PPP6R2: variants seen among roughly 807,000 people sequenced by gnomAD.
PPP6R2 encodes serine/threonine-protein phosphatase 6 regulatory subunit 2.
PPP6R2 carries 62 observed loss-of-function variants against 100.2 expected under a neutral mutation model. That is an observed-to-expected ratio of 0.62 (90% CI 0.50 to 0.76). The LOEUF is 0.76. PPP6R2 is among the 30% of genes least tolerant of loss of function. The pLI, the probability that PPP6R2 is intolerant of heterozygous loss-of-function variation, is 0.00. For missense variants in PPP6R2, 1,142 were observed against 1,276.3 expected (o/e 0.89, Z 1.60); for synonymous variants, 525 against 514.7 (o/e 1.02, Z -0.27).
chr22:50,390,766 C>T (rs942106083), intron 2 of PPP6R2, among the ~76,000 whole-genome samples: 13 of 152,076 alleles, frequency 8.5e-5, no homozygotes, highest in Non-Finnish European at 8.8e-5. Flanking sequence ...TTTGGGAGGC[C>T]GAGGCGGACA....
chr22:50,439,950 C>T lies in PPP6R2; in HGVS notation c.2286-11C>T, dbSNP rs749128858. On this transcript the variant is annotated splice_polypyrimidine_tract_variant and intron_variant, in intron 20 of 23. Transcript: ENST00000612753. ...CCCCAGGACTGATCCTGTCCTCGTC[C>T]TTGTATGCAGCTCCGAGTCAGGGCC... 5 of 1,613,132 alleles carry T rather than the reference C, an allele frequency of 3.1e-6. No individual in the cohort carries two copies. Among genetic ancestry groups the T allele is most frequent in the African/African-American group, 2.7e-5 (2 of 75,058 alleles).
At chr22:50,392,434 C>A (rs921454885) in intron 2 of PPP6R2, among the ~76,000 whole-genome samples, 1 of 152,096 alleles carries the variant, frequency 6.6e-6, no homozygotes, top group Non-Finnish European at 1.5e-5. Context: ...AAAGCAGCTT[C>A]ATTTTGGGGC....
At chr22:50,424,440 C>A (rs1406836592) in intron 10 of PPP6R2, among the ~76,000 whole-genome samples, 5 of 99,894 alleles carry the variant, frequency 5.0e-5, no homozygotes, top group South Asian at 6.8e-4. Context: ...AAGGTCCGTC[C>A]GCGTGTGGAA....
chr22:50,396,494 CAA>C (rs548563660), intron 3 of PPP6R2, among the ~76,000 whole-genome samples: 52 of 97,132 alleles, frequency 5.4e-4, no homozygotes, highest in East Asian at 1.3e-3. Flanking sequence ...GACTCCGTCT[CAA>C]AAAAAAAAAA....
chr22:50,412,536 C>G (rs2059895090), intron 4 of PPP6R2, among the ~76,000 whole-genome samples: 1 of 149,732 alleles, frequency 6.7e-6, no homozygotes, highest in South Asian at 2.1e-4. Context: ...ATTAAACCTT[C>G]TCTGTATAGA....
At chr22:50,396,734 G>C (rs747055148) in intron 3 of PPP6R2, among the ~76,000 whole-genome samples, 4 of 152,184 alleles carry the variant, frequency 2.6e-5, no homozygotes, top group Non-Finnish European at 4.4e-5. Context: ...GAGCCAGGGT[G>C]TCCCTGTGGC....
rs527941174 is a variant in PPP6R2, at chr22:50,443,907, C to G, written c.2621C>G (p.Pro874Arg). The G allele has an allele frequency of 3.5e-5, 56 of 1,592,758 alleles. No homozygotes were observed. In the East Asian group the frequency reaches 1.3e-3, roughly 36 times the overall value. The change falls in exon 23 of 24, where the codon CCC (proline) becomes CGC (arginine). Residue 874 changes from proline (P) to arginine (R), a missense_variant. Coordinates refer to ENST00000612753, the MANE Select transcript of PPP6R2 (RefSeq NM_001242898.2). ...ADSRLLSPAC[P>R]APKEVTAAPA... ...AGCCGGCTGTTAAGCCCTGCCTGCC[C>G]CGCGCCAAAGGAAGTGACTGCTGCC...
rs1169672866 is a variant in PPP6R2, at chr22:50,351,030, T to G, written c.-148+7480T>G. ...TGAGCAGTAGGTCTCAACAGTGTTT[T>G]TTTTTTTTTTTTTTTTTTTTTTTTT... is the stretch of plus-strand genomic sequence containing the variant. On this transcript the variant is annotated intron_variant, in intron 1 of 23. Coordinates refer to ENST00000612753, the MANE Select transcript of PPP6R2 (RefSeq NM_001242898.2). 1.4e-3 allele frequency among the ~76,000 whole-genome samples: 148 copies of G among 106,220 alleles called. 11 individuals are homozygous for G. The highest frequency in any genetic ancestry group is 4.1e-3 in the African/African-American group (114 of 27,538). 69.7% of individuals were successfully genotyped at this position (106,220 alleles called of 152,430 possible).
intron 13 of PPP6R2, among the ~76,000 whole-genome samples, chr22:50,435,546 A>G (rs748594070): frequency 8.5e-5 from 13 of 152,210 alleles, no homozygotes; most frequent in South Asian, 2.1e-4. Context: ...TTAAGAACGC[A>G]GTGGGTTAGG....
At chr22:50,359,582 T>C (rs1450970966) in intron 1 of PPP6R2, among the ~76,000 whole-genome samples, 2 of 152,138 alleles carry the variant, frequency 1.3e-5, no homozygotes, top group African/African-American at 4.8e-5. Flanking sequence ...CTGTGTATGT[T>C]GAGATGATCA....
chr22:50,441,508 T>C (rs2065612206), intron 22 of PPP6R2, among the ~76,000 whole-genome samples: 1 of 152,176 alleles, frequency 6.6e-6, no homozygotes, highest in South Asian at 2.1e-4. Flanking sequence ...CCTCGCCTGC[T>C]GCTCCCCTTC....
chr22:50,359,063 G>A (rs1035805109), intron 1 of PPP6R2, among the ~76,000 whole-genome samples: 5 of 141,228 alleles, frequency 3.5e-5, no homozygotes, highest in East Asian at 2.1e-4. Context: ...TCAGTGGCGC[G>A]ATCTCCACTC....
chr22:50,335,055 G>T, the PPP6R2 span, among the ~76,000 whole-genome samples: 2 of 151,808 alleles, frequency 1.3e-5, no homozygotes, highest in Non-Finnish European at 2.9e-5. Flanking sequence ...ACAATGTTGA[G>T]TTGTTTTTAT....
upstream of PPP6R2, among the ~76,000 whole-genome samples, chr22:50,342,940 G>A (rs557879166): frequency 2.0e-5 from 3 of 152,300 alleles, no homozygotes; most frequent in East Asian, 5.8e-4. Flanking sequence ...GTGGCAGGAG[G>A]GAGGCCCGGG....
rs2061564851 is a variant in PPP6R2, at chr22:50,423,194, C to T, written c.973-268C>T. On this transcript the variant is annotated intron_variant, in intron 9 of 23. Coordinates refer to ENST00000612753, the MANE Select transcript of PPP6R2 (RefSeq NM_001242898.2). The surrounding 1 kb of genome is among the most constrained non-coding windows in gnomAD (Gnocchi z 4.8). ...CTTGGACATCTCACCCGCTGAGGTG[C>T]ACGGCTCTCTGGCCCTGCAGGCTCA... 6.6e-6 allele frequency among the ~76,000 whole-genome samples: 1 copy of T among 152,202 alleles called. No individual in the cohort carries two copies. The highest frequency in any genetic ancestry group is 2.4e-5 in the African/African-American group (1 of 41,448).
chr22:50,428,115 A>T (rs2062526691), intron 10 of PPP6R2, among the ~76,000 whole-genome samples: 1 of 151,296 alleles, frequency 6.6e-6, no homozygotes, highest in Non-Finnish European at 1.5e-5. Context: ...TTGGCCTCCC[A>T]AAGTGCTGGG....
chr22:50,400,120 C>T (rs753422395), intron 3 of PPP6R2, among the ~76,000 whole-genome samples: 7 of 152,202 alleles, frequency 4.6e-5, no homozygotes, highest in Non-Finnish European at 7.3e-5. Flanking sequence ...TGGGTCACAG[C>T]GGGCCCCCAG....
chr22:50,385,590 A>C (rs1189417792), intron 2 of PPP6R2, among the ~76,000 whole-genome samples: 2 of 146,324 alleles, frequency 1.4e-5, no homozygotes, highest in Non-Finnish European at 3.0e-5. Context: ...ATCTCGGCTC[A>C]CTGCAACCTC....
chr22:50,440,970 C>T lies in PPP6R2; in HGVS notation c.2523C>T (p.Pro841=), dbSNP rs746254097. 2.0e-5 allele frequency: 32 copies of T among 1,611,742 alleles called. No homozygotes were observed. The highest frequency in any genetic ancestry group is 9.3e-5 in the African/African-American group (7 of 74,912). Residue 841 remains proline (P), a synonymous_variant, in exon 22 of 24, where the codon CCC becomes CCT. Coordinates refer to ENST00000612753, the MANE Select transcript of PPP6R2 (RefSeq NM_001242898.2). ...ASAMDAVSRG[P]GREAPPLPTV... Reference sequence around the variant, plus strand: ...CCATGGATGCGGTGAGCAGGGGTCCCGGCCGGGAGGCCCCCCCGCTGCCCA... The same window carrying T: ...CCATGGATGCGGTGAGCAGGGGTCCTGGCCGGGAGGCCCCCCCGCTGCCCA...
Sources: gnomAD v4.1 joint callset for allele counts (sites outside exome capture counted in the v4.1 genomes callset) on GRCh38, gnomAD v4.1.1 for gene constraint, Gnocchi (gnomAD v3.1) non-coding constraint, MANE v1.5 for transcripts, NCBI Gene and HGNC (gene_info 2026-07-23, HGNC 2026-07-21) for gene names.